DENND1B: variants seen among roughly 807,000 people sequenced by gnomAD.
DENND1B encodes the protein DENN domain-containing protein 1B.
Under a neutral mutation model 90.1 loss-of-function variants are expected in DENND1B, and 59 were observed. The observed-to-expected ratio is 0.65, with a 90% CI of 0.53 to 0.81. The LOEUF (loss-of-function observed/expected upper bound fraction) is 0.81. Ranked by LOEUF, DENND1B falls within the 40% of genes least tolerant of loss-of-function variation. The probability of loss-of-function intolerance (pLI) is 0.00; values close to 1 mark genes in which losing one functional copy is unlikely to be tolerated. For missense variants in DENND1B, 862 were observed against 912.6 expected (o/e 0.94, Z 0.71); for synonymous variants, 337 against 324.6 (o/e 1.04, Z -0.41).
At chr1:197,651,106 A>G (rs1228466470) in intron 7 of DENND1B, among the ~76,000 whole-genome samples, 1 of 152,090 alleles carries the variant, frequency 6.6e-6, no homozygotes, top group Non-Finnish European at 1.5e-5. Flanking sequence ...TCTCATAAAA[A>G]CACAAAAGAC....
At chr1:197,753,604 G>T (rs1414059859) in intron 2 of DENND1B, among the ~76,000 whole-genome samples, 1 of 152,182 alleles carries the variant, frequency 6.6e-6, no homozygotes, top group South Asian at 2.1e-4. Context: ...CCACTCTGGT[G>T]GGGGATGTTG....
At chr1:197,636,531 T>A (rs1353338192) in intron 10 of DENND1B, among the ~76,000 whole-genome samples, 2 of 152,146 alleles carry the variant, frequency 1.3e-5, no homozygotes, top group Non-Finnish European at 2.9e-5. Flanking sequence ...ACTTACTCCC[T>A]CTCAATTTCA....
At chr1:197,677,674 C>T (rs1318675127) in intron 3 of DENND1B, among the ~76,000 whole-genome samples, 2 of 152,132 alleles carry the variant, frequency 1.3e-5, no homozygotes, top group Non-Finnish European at 2.9e-5. Flanking sequence ...TACACGAAAC[C>T]CACAAGGGTC....
intron 9 of DENND1B, among the ~76,000 whole-genome samples, chr1:197,643,281 A>C (rs1351621941): frequency 2.6e-5 from 4 of 151,836 alleles, no homozygotes; most frequent in Non-Finnish European, 5.9e-5. Context: ...CAGCCACCAG[A>C]GTAGCTAGGA....
intron 14 of DENND1B, among the ~76,000 whole-genome samples, chr1:197,584,148 GA>G (rs981136720): frequency 2.0e-5 from 3 of 151,134 alleles, no homozygotes; most frequent in African/African-American, 4.9e-5. Context: ...ATAGAACTTT[GA>G]AAAAAAATAA....
chr1:197,559,738 A>G (rs1216172069), intron 15 of DENND1B, among the ~76,000 whole-genome samples: 1 of 151,754 alleles, frequency 6.6e-6, no homozygotes, highest in Non-Finnish European at 1.5e-5. Flanking sequence ...AGTCTAATTT[A>G]AATATTTCTT....
At chr1:197,535,533 G>C (rs1669813628) in intron 20 of DENND1B, among the ~76,000 whole-genome samples, 1 of 152,142 alleles carries the variant, frequency 6.6e-6, no homozygotes, top group Non-Finnish European at 1.5e-5. Context: ...GTCATTAAAA[G>C]TTTATGAATT....
intron 16 of DENND1B, among the ~76,000 whole-genome samples, chr1:197,548,190 C>T (rs988277565): frequency 2.6e-5 from 4 of 152,074 alleles, no homozygotes; most frequent in Non-Finnish European, 4.4e-5. Context: ...TTTAAAAAAG[C>T]TAATTTTCAG....
At chr1:197,681,663 T>C (rs1407767604) in intron 3 of DENND1B, among the ~76,000 whole-genome samples, 1 of 152,210 alleles carries the variant, frequency 6.6e-6, no homozygotes, top group East Asian at 1.9e-4. Context: ...TTTCTATCAT[T>C]GCCTTGTATT....
At chr1:197,580,349 CG>C in intron 15 of DENND1B, among the ~76,000 whole-genome samples, 1 of 150,560 alleles carries the variant, frequency 6.6e-6, no homozygotes, top group African/African-American at 2.4e-5. Flanking sequence ...CCACCCGTCT[CG>C]GTCTCCCAGA....
upstream of DENND1B, among the ~76,000 whole-genome samples, chr1:197,780,396 G>T (rs1657397059): frequency 1.3e-5 from 2 of 151,266 alleles, no homozygotes; most frequent in Admixed American, 1.3e-4. Flanking sequence ...CGTGATCTTG[G>T]CTCACTGCAA....
At chr1:197,704,088 A>T (rs1329092170) in intron 3 of DENND1B, among the ~76,000 whole-genome samples, 1 of 152,092 alleles carries the variant, frequency 6.6e-6, no homozygotes, top group Non-Finnish European at 1.5e-5. Context: ...TACAAAAAAT[A>T]AAAAACATTA....
intron 2 of DENND1B, among the ~76,000 whole-genome samples, chr1:197,770,772 C>T (rs1407771687): frequency 1.6e-5 from 2 of 123,266 alleles, no homozygotes; most frequent in African/African-American, 6.3e-5. Flanking sequence ...AAATATATAT[C>T]TATAAATATA....
rs1368994147 is a variant in DENND1B, at chr1:197,529,551, G to A, written c.1515+10413C>T. On this transcript the variant is annotated intron_variant, in intron 20 of 22. Transcript: ENST00000620048. ...GCTAAGCTCTCATGCTTGTTCACTA[G>A]TATAGTTGAGGTGTCTGTGAGTCTC... 3.3e-5 allele frequency among the ~76,000 whole-genome samples: 5 copies of A among 151,642 alleles called. No individual in the cohort carries two copies. In the East Asian group the frequency reaches 9.7e-4, roughly 29 times the overall value.
Position 197,511,874 on chromosome 1 carries a change from C to T in DENND1B, c.1669G>A (p.Val557Met), listed in dbSNP as rs767965045. Residue 557 changes from valine (V) to methionine (M), a missense_variant, in exon 22 of 23, where the codon GTG becomes ATG. Val to Met is a conservative substitution (Grantham distance 21). Coordinates refer to ENST00000620048, the MANE Select transcript of DENND1B (RefSeq NM_001195215.2). The stretch of plus-strand genomic sequence containing the variant: ...ATTTCACCTGAGTAAGGAGTCTTCA[C>T]TCTTGTTTCAACAGAGTCATCACTC... ...YESDDSVETR[V>M]KTPYSGEMDL... 19 of 1,611,188 alleles carry T rather than the reference C, an allele frequency of 1.2e-5. No individual in the cohort carries two copies. In the South Asian group the frequency reaches 2.1e-4, roughly 18 times the overall value.
chr1:197,558,667 A>G (rs1671908086), intron 15 of DENND1B, among the ~76,000 whole-genome samples: 1 of 151,862 alleles, frequency 6.6e-6, no homozygotes, highest in Admixed American at 6.6e-5. Context: ...TGCTTATGAC[A>G]TGATCTTAAA....
intron 18 of DENND1B, among the ~76,000 whole-genome samples, chr1:197,543,471 A>C (rs1339223663): frequency 6.6e-6 from 1 of 152,232 alleles, no homozygotes; most frequent in East Asian, 1.9e-4. Context: ...CTGCTCCAGA[A>C]GAAAATGAAG....
intron 20 of DENND1B, 99 bp from the exon 21 acceptor site, chr1:197,513,052 T>C (rs1174048056): frequency 6.5e-6 from 6 of 927,514 alleles, no homozygotes; most frequent in Non-Finnish European, 9.6e-6. Context: ...GAAACACTTT[T>C]GCAAGAAATA....
At position 197,509,224 on chromosome 1, in the gene DENND1B, A is replaced by G. The variant is rs1413495293; in HGVS notation, c.*1236T>C. 6.6e-6 allele frequency: 1 copy of G among 151,738 alleles called. No homozygotes were observed. Among genetic ancestry groups the G allele is most frequent in the Non-Finnish European group, 1.5e-5 (1 of 67,844 alleles). The allele number at this position is 151,738 out of a possible 1,614,324, so 9.4% of individuals were successfully genotyped here. ...AATACCCAACAAACTCCAAGAGAGG[A>G]GCATGCTACAATTTATCTGACAGTA... On this transcript the variant is annotated 3_prime_UTR_variant, in exon 23 of 23. Coordinates refer to ENST00000620048, the MANE Select transcript of DENND1B (RefSeq NM_001195215.2).
Sources: allele counts gnomAD v4.1 joint callset (sites outside exome capture counted in the v4.1 genomes callset), GRCh38; gene constraint gnomAD v4.1.1; transcripts MANE v1.5; gene names NCBI Gene and HGNC (gene_info 2026-07-23, HGNC 2026-07-21).